Variants in FGF2 observed in about 807,000 individuals in gnomAD.
The protein encoded by FGF2 is fibroblast growth factor 2.
A neutral mutation model predicts 15.9 loss-of-function variants in FGF2; 13 were observed. That is an observed-to-expected ratio of 0.82 (90% CI 0.53 to 1.30). The LOEUF (loss-of-function observed/expected upper bound fraction) is 1.30, where lower values mean the gene tolerates loss of function less well. FGF2 is among the 50% of genes most tolerant of loss of function. The probability of loss-of-function intolerance (pLI) is 0.00; values close to 1 mark genes in which losing one functional copy is unlikely to be tolerated. For missense variants in FGF2, 163 were observed against 196.9 expected (o/e 0.83, Z 1.03); for synonymous variants, 90 against 78.4 (o/e 1.15, Z -0.78).
At chr4:122,887,594 C>T (rs1350499839) in intron 2 of FGF2, among the ~76,000 whole-genome samples, 4 of 152,176 alleles carry the variant, frequency 2.6e-5, no homozygotes, top group Non-Finnish European at 5.9e-5. Flanking sequence ...GTTGATTATG[C>T]TTTTTCATGC....
In FGF2 at chr4:122,892,812, A is replaced by G. The variant is rs1727223354; in HGVS notation, c.*416A>G. On this transcript the variant is annotated 3_prime_UTR_variant, in exon 3 of 3. Transcript: ENST00000644866. The stretch of plus-strand genomic sequence containing the variant: ...CATTCGTTAGTCTACATGTTTCTAA[A>G]CATATAAATGTGAATTTAATCAATT... 6.4e-7 allele frequency: 1 copy of G among 1,565,818 alleles called. No homozygotes were observed. Among genetic ancestry groups the G allele is most frequent in the South Asian group, 1.2e-5 (1 of 83,798 alleles).
At chr4:122,858,812 C>G (rs573941171) in intron 1 of FGF2, among the ~76,000 whole-genome samples, 1 of 152,154 alleles carries the variant, frequency 6.6e-6, no homozygotes, top group South Asian at 2.1e-4. Flanking sequence ...GAAAAAAAAA[C>G]AGTGGTTATA....
At chr4:122,836,189 A>G (rs956226094) in intron 1 of FGF2, among the ~76,000 whole-genome samples, 5 of 152,200 alleles carry the variant, frequency 3.3e-5, no homozygotes, top group African/African-American at 1.2e-4. Flanking sequence ...ACTGGATCCC[A>G]TTTGCTGCAT....
chr4:122,834,784 A>C (rs776914888), intron 1 of FGF2, among the ~76,000 whole-genome samples: 60 of 152,232 alleles, frequency 3.9e-4, no homozygotes, highest in Non-Finnish European at 6.0e-4. Context: ...AGCCTTCCCC[A>C]AAACTCAACT....
At chr4:122,866,186 A>G (rs308389) in intron 1 of FGF2, among the ~76,000 whole-genome samples, 138,095 of 152,022 alleles carry the variant, frequency 0.91, 62,949 homozygotes, top group East Asian at 0.96. Flanking sequence ...TGGCTAACAC[A>G]TGAAACCCCG....
chr4:122,890,337 G>C (rs1232701106), intron 2 of FGF2, among the ~76,000 whole-genome samples: 1 of 152,180 alleles, frequency 6.6e-6, no homozygotes. Context: ...TCCTGTCAAT[G>C]TGTGCTTCTC....
chr4:122,842,771 T>A (rs898265183), intron 1 of FGF2, among the ~76,000 whole-genome samples: 1 of 152,208 alleles, frequency 6.6e-6, no homozygotes, highest in African/African-American at 2.4e-5. Flanking sequence ...AAGCCAAATA[T>A]ATGGCCTGCT....
chr4:122,884,489 C>T (rs1411397385), intron 2 of FGF2: 1 of 152,038 alleles, frequency 6.6e-6, no homozygotes, highest in Admixed American at 6.6e-5. Context: ...AGTGAGATTC[C>T]ATCTCAAAAA....
In FGF2 at chr4:122,826,913, T is replaced by G. The variant is rs1725644124; in HGVS notation, c.-262T>G. 1 of 1,498,046 alleles carries G rather than the reference T, an allele frequency of 6.7e-7. No homozygotes were observed. Among genetic ancestry groups the G allele is most frequent in the African/African-American group, 1.4e-5 (1 of 69,610 alleles). 92.8% of individuals were successfully genotyped at this position (1,498,046 alleles called of 1,614,324 possible). ...GGGAGGCGGCTCTCCCCAGGCGGCG[T>G]CCGCGGAGACACCCATCCGTGAACC... On this transcript the variant is annotated 5_prime_UTR_variant, in exon 1 of 3. Coordinates refer to ENST00000644866, the MANE Select transcript of FGF2 (RefSeq NM_001361665.2).
intron 1 of FGF2, among the ~76,000 whole-genome samples, chr4:122,844,957 CT>C (rs1726080555): frequency 6.6e-6 from 1 of 152,206 alleles, no homozygotes; most frequent in South Asian, 2.1e-4. Context: ...TTTCAATTTA[CT>C]TTACCCAGAT....
chr4:122,869,069 A>G (rs929992901), intron 1 of FGF2, among the ~76,000 whole-genome samples: 8 of 152,218 alleles, frequency 5.3e-5, no homozygotes, highest in East Asian at 1.9e-4. Flanking sequence ...TAGATTGCCT[A>G]TTCACTCTGC....
At chr4:122,826,729 A>G, upstream of FGF2, 1 of 1,257,340 alleles carries the variant, frequency 8.0e-7, no homozygotes, top group Non-Finnish European at 1.0e-6. Context: ...AACCCGAGCG[A>G]GTAGGGGGCG....
intron 1 of FGF2, among the ~76,000 whole-genome samples, chr4:122,860,447 CTTTTTTTTTTTT>C (rs34541038): frequency 4.4e-5 from 4 of 90,918 alleles, no homozygotes; most frequent in African/African-American, 8.3e-5. Context: ...CTAAGGTTAA[CTTTTTTTTTTTT>C]TTTTTTTTTT....
chr4:122,857,977 C>A (rs773955906), intron 1 of FGF2, among the ~76,000 whole-genome samples: 2 of 152,106 alleles, frequency 1.3e-5, no homozygotes, highest in African/African-American at 2.4e-5. Context: ...ACTCGTAAAG[C>A]CATGTCCTGA....
intron 1 of FGF2, among the ~76,000 whole-genome samples, chr4:122,867,659 G>A (rs990994106): frequency 1.3e-5 from 2 of 152,074 alleles, no homozygotes; most frequent in African/African-American, 4.8e-5. Context: ...TTAATGTTTT[G>A]GAACATAGTT....
intron 1 of FGF2, among the ~76,000 whole-genome samples, chr4:122,848,116 A>G (rs568122021): frequency 2.0e-5 from 3 of 152,298 alleles, no homozygotes; most frequent in Non-Finnish European, 4.4e-5. Context: ...AGACCAACTT[A>G]TTCACTATGA....
At chr4:122,867,186 A>G (rs1295760134) in intron 1 of FGF2, among the ~76,000 whole-genome samples, 1 of 152,240 alleles carries the variant, frequency 6.6e-6, no homozygotes, top group African/African-American at 2.4e-5. Context: ...ATGTAGGGTG[A>G]CGAAAATGTT....
chr4:122,862,903 G>C (rs1227609884), intron 1 of FGF2, among the ~76,000 whole-genome samples: 1 of 152,152 alleles, frequency 6.6e-6, no homozygotes, highest in Non-Finnish European at 1.5e-5. Flanking sequence ...CAAAATTGTT[G>C]ACTTCCATGC....
chr4:122,832,220 G>A (rs1473869350), intron 1 of FGF2, among the ~76,000 whole-genome samples: 1 of 152,064 alleles, frequency 6.6e-6, no homozygotes, highest in Non-Finnish European at 1.5e-5. Flanking sequence ...ACCATGAAAC[G>A]GAGCAAGGCA....
Sources: allele counts gnomAD v4.1 joint callset (sites outside exome capture counted in the v4.1 genomes callset), GRCh38; gene constraint gnomAD v4.1.1; transcripts MANE v1.5; gene names NCBI Gene and HGNC (gene_info 2026-07-23, HGNC 2026-07-21).